TIPARP: variants seen among roughly 807,000 people sequenced by gnomAD.
The protein encoded by TIPARP is TCDD inducible poly(ADP-ribose) polymerase, also known as protein mono-ADP-ribosyltransferase TIPARP.
TIPARP carries 12 observed loss-of-function variants against 56.5 expected under a neutral mutation model. That is an observed-to-expected ratio of 0.21 (90% CI 0.14 to 0.34). TIPARP has a LOEUF of 0.34. TIPARP is among the 10% of genes least tolerant of loss of function. The pLI, the probability that TIPARP is intolerant of heterozygous loss-of-function variation, is 1.00. For missense variants in TIPARP, 604 were observed against 781.6 expected (o/e 0.77, Z 2.71); for synonymous variants, 296 against 265.7 (o/e 1.11, Z -1.11).
intron 2 of TIPARP, among the ~76,000 whole-genome samples, chr3:156,690,654 GGTTTT>G (rs1722550300): frequency 6.6e-6 from 1 of 152,018 alleles, no homozygotes; most frequent in African/African-American, 2.4e-5. Context: ...CTGTTCACAA[GGTTTT>G]GTTTTCTTCT....
chr3:156,700,828 G>A (rs1722828133), intron 4 of TIPARP, among the ~76,000 whole-genome samples: 1 of 152,202 alleles, frequency 6.6e-6, no homozygotes, highest in African/African-American at 2.4e-5. Flanking sequence ...AGTAATAAAA[G>A]GTGAGTTTGG....
At chr3:156,686,781 T>C (rs969418711) in intron 2 of TIPARP, among the ~76,000 whole-genome samples, 57 of 152,184 alleles carry the variant, frequency 3.7e-4, no homozygotes, top group African/African-American at 1.3e-3. Context: ...CTAGTAGTTA[T>C]GTGTAAATGA....
In TIPARP at chr3:156,703,450, C is replaced by G. The variant is rs772247182; in HGVS notation, c.1274C>G (p.Ala425Gly). 6.2e-6 allele frequency: 10 copies of G among 1,614,188 alleles called. No individual in the cohort carries two copies. Among genetic ancestry groups the G allele is most frequent in the Non-Finnish European group, 8.5e-6 (10 of 1,180,032 alleles). The change falls in exon 5 of 6, where the codon GCT becomes GGT. Residue 425 changes from alanine (A) to glycine (G), a missense_variant. Ala to Gly is a moderately conservative substitution (Grantham distance 60). Transcript: ENST00000295924. The part of the protein sequence containing the change: ...LQTLGGVPTQ[A>G]PPPLEATSSS... Reference sequence around the variant, plus strand: ...ACACTTGGTGGGGTTCCCACACAAGCTCCTCCACCTCTTGAAGCAACTTCA... The same window carrying G: ...ACACTTGGTGGGGTTCCCACACAAGGTCCTCCACCTCTTGAAGCAACTTCA...
At position 156,678,370 on chromosome 3, in the gene TIPARP, G is replaced by C. The variant is rs758347957; in HGVS notation, c.673G>C (p.Glu225Gln). 7 of 1,614,190 alleles carry C rather than the reference G, an allele frequency of 4.3e-6. No homozygotes were observed. Among genetic ancestry groups the C allele is most frequent in the African/African-American group, 1.3e-5 (1 of 75,070 alleles). ...SEEASLDLVF[E>Q]LVNQLQYHTH... ...AGAGGCTTCCCTTGACCTCGTGTTT[G>C]AGCTGGTGAACCAGTTGCAGTACCA... The change falls in exon 2 of 6, where the codon GAG (glutamate) becomes CAG (glutamine). Residue 225 changes from glutamate (E) to glutamine (Q), a missense_variant. Glu to Gln is a conservative substitution (Grantham distance 29). Around this residue, in one of 4 missense-constraint regions of TIPARP, gnomAD observed 261 missense variants for 279.2 expected, o/e 0.93. Transcript: ENST00000295924.
chr3:156,702,622 C>G lies in TIPARP; in HGVS notation c.1248-802C>G, dbSNP rs756072798. ...GTCTCAGGGTCAGGATTTCCTTGCT[C>G]TCTTCCACTTCTCTTTTTCTCCATT... is the stretch of plus-strand genomic sequence containing the variant. On this transcript the variant is annotated intron_variant, in intron 4 of 5. Transcript: ENST00000295924. Among the ~76,000 whole-genome samples the G allele has an allele frequency of 5.1e-4, 77 of 152,318 alleles. No individual in the cohort carries two copies. The Middle Eastern group carries it at 0.014, about 27-fold the overall frequency.
chr3:156,684,684 G>A (rs1314515171), intron 2 of TIPARP, among the ~76,000 whole-genome samples: 6 of 152,098 alleles, frequency 3.9e-5, no homozygotes, highest in Admixed American at 2.6e-4. Flanking sequence ...CACCTGCCTC[G>A]GCCTCACAAA....
At chr3:156,691,861 T>C (rs1722583927) in intron 2 of TIPARP, among the ~76,000 whole-genome samples, 1 of 152,192 alleles carries the variant, frequency 6.6e-6, no homozygotes, top group Non-Finnish European at 1.5e-5. Flanking sequence ...CAGTTGATTG[T>C]AGTAAATTAG....
intron 1 of TIPARP, 22 bp from the exon 2 acceptor site, chr3:156,677,635 A>G (rs891816293): frequency 1.4e-6 from 2 of 1,455,804 alleles, no homozygotes; most frequent in Non-Finnish European, 1.8e-6. Context: ...GTAAATGATC[A>G]TCTTCCTTCC....
chr3:156,683,287 T>A (rs1476119104), intron 2 of TIPARP, among the ~76,000 whole-genome samples: 3 of 152,194 alleles, frequency 2.0e-5, no homozygotes, highest in Non-Finnish European at 4.4e-5. Context: ...AAGCTCTTAC[T>A]TTTTATTGTA....
chr3:156,696,012 C>T lies in TIPARP; in HGVS notation c.1234C>T (p.Leu412Phe), dbSNP rs140142843. The T allele has an allele frequency of 2.1e-5, 34 of 1,605,718 alleles. No individual in the cohort carries two copies. The African/African-American group carries it at 3.4e-4, about 16-fold the overall frequency. ...RPLFRSCFILLPYLQTLGGVP... is the reference protein window; with the variant it reads ...RPLFRSCFILFPYLQTLGGVP... ...CCTCTTCCGCTCCTGTTTTATACTG[C>T]TTCCATATTTACAGTAAGTGTCGAG... The change falls in exon 4 of 6, where the codon CTT (leucine) becomes TTT (phenylalanine). Residue 412 changes from leucine to phenylalanine, a missense_variant. This residue lies in a region of TIPARP where 252 missense variants were observed against 303.9 expected (regional missense o/e 0.83). Coordinates refer to ENST00000295924, the MANE Select transcript of TIPARP (RefSeq NM_015508.5).
intron 4 of TIPARP, among the ~76,000 whole-genome samples, chr3:156,699,651 G>T (rs904355887): frequency 3.3e-5 from 5 of 152,054 alleles, no homozygotes; most frequent in Non-Finnish European, 7.4e-5. Context: ...TGTGATATTT[G>T]CTTTATTGCA....
At chr3:156,691,152 G>A (rs1722564531) in intron 2 of TIPARP, among the ~76,000 whole-genome samples, 1 of 152,134 alleles carries the variant, frequency 6.6e-6, no homozygotes, top group Admixed American at 6.6e-5. Context: ...CGTCTTTCAA[G>A]AAGCAAAGTG....
At position 156,705,101 on chromosome 3, in the gene TIPARP, T is replaced by C. The variant is rs528941634; in HGVS notation, c.1944T>C (p.Tyr648=). The part of the protein sequence containing the change: ...DQSYPYFVIQ[Y]EEVSNTVSI ...GTTACCCTTATTTTGTTATCCAATA[T>C]GAAGAAGTCAGTAACACTGTTTCCA... Residue 648 remains tyrosine, a synonymous_variant, in exon 6 of 6, where the codon TAT becomes TAC. Coordinates refer to ENST00000295924, the MANE Select transcript of TIPARP (RefSeq NM_015508.5). The C allele has an allele frequency of 8.7e-6, 14 of 1,608,396 alleles. No individual in the cohort carries two copies. In the South Asian group the frequency reaches 1.4e-4, roughly 17 times the overall value.
At chr3:156,697,161 C>G (rs182942785) in intron 4 of TIPARP, among the ~76,000 whole-genome samples, 3 of 152,258 alleles carry the variant, frequency 2.0e-5, no homozygotes, top group Non-Finnish European at 2.9e-5. Context: ...AAAATTAGAA[C>G]TAGTAAAAAT....
chr3:156,704,578 G>A, intron 5 of TIPARP, 106 bp from the exon 6 acceptor site: 1 of 1,226,402 alleles, frequency 8.2e-7, no homozygotes. Flanking sequence ...TTTTGCCCTT[G>A]ATAACTCCTC....
intron 2 of TIPARP, among the ~76,000 whole-genome samples, chr3:156,691,650 A>C (rs1300562817): frequency 6.6e-6 from 1 of 152,190 alleles, no homozygotes; most frequent in Non-Finnish European, 1.5e-5. Flanking sequence ...ATGCTGATGC[A>C]GATTGTGGAG....
chr3:156,677,807 A>G lies in TIPARP; in HGVS notation c.110A>G (p.Lys37Arg). 6.2e-7 allele frequency: 1 copy of G among 1,614,188 alleles called. No homozygotes were observed. The highest frequency in any genetic ancestry group is 8.5e-7 in the Non-Finnish European group (1 of 1,180,044). The change falls in exon 2 of 6, where the codon AAG (lysine) becomes AGG (arginine). Residue 37 changes from lysine to arginine, a missense_variant. Transcript: ENST00000295924. Reference protein sequence around the residue: ...MRLSEKITPLKTCFKKKDQKR... With the variant: ...MRLSEKITPLRTCFKKKDQKR... The stretch of plus-strand genomic sequence containing the variant: ...CTCTCTGAGAAGATCACTCCATTGA[A>G]GACTTGTTTTAAGAAAAAGGATCAG...
intron 2 of TIPARP, among the ~76,000 whole-genome samples, chr3:156,682,855 G>GA (rs1722340322): frequency 6.6e-6 from 1 of 152,196 alleles, no homozygotes; most frequent in African/African-American, 2.4e-5. Context: ...AACTGTGTTT[G>GA]AAGTGACTTT....
intron 2 of TIPARP, among the ~76,000 whole-genome samples, chr3:156,691,496 C>A (rs1722573353): frequency 6.6e-6 from 1 of 152,108 alleles, no homozygotes; most frequent in Admixed American, 6.6e-5. Flanking sequence ...CTGTTTAATT[C>A]TTCGTGTATT....
Sources: allele counts gnomAD v4.1 joint callset (sites outside exome capture counted in the v4.1 genomes callset), GRCh38; gene constraint gnomAD v4.1.1; regional missense constraint gnomAD v4.1.1; transcripts MANE v1.5; gene names NCBI Gene and HGNC (gene_info 2026-07-23, HGNC 2026-07-21).